Variants in USP38 observed in about 807,000 individuals in gnomAD.
USP38 encodes the protein ubiquitin carboxyl-terminal hydrolase 38.
A neutral mutation model predicts 94.3 loss-of-function variants in USP38; 49 were observed. The ratio of observed to expected loss-of-function variants is 0.52; its 90% confidence interval spans 0.41 to 0.66. USP38 has a LOEUF of 0.66. Among genes scored for constraint, USP38 ranks in the 30% least tolerant of loss-of-function variants. USP38 has a pLI of 0.00. For synonymous variants in USP38, 468 were observed against 463.6 expected (o/e 1.01, Z -0.12); for missense variants, 1,128 against 1,229.4 (o/e 0.92, Z 1.23).
At chr4:143,216,703 T>G (rs1042120571) in intron 9 of USP38, among the ~76,000 whole-genome samples, 2 of 152,110 alleles carry the variant, frequency 1.3e-5, no homozygotes, top group Non-Finnish European at 2.9e-5. Context: ...CTCAAACTCC[T>G]GGGCTCAAGC....
chr4:143,186,191 C>A (rs28565503), intron 1 of USP38, 59 bp downstream of exon 1: 2 of 1,482,958 alleles, frequency 1.3e-6, no homozygotes, highest in South Asian at 2.5e-5. Flanking sequence ...CTCTCTTGCA[C>A]ACACACATTC....
At chr4:143,209,725 A>G in intron 7 of USP38, 68 bp downstream of exon 7, 2 of 941,408 alleles carry the variant, frequency 2.1e-6, no homozygotes, top group South Asian at 1.6e-5. Flanking sequence ...ACTTTACCTT[A>G]TACCTAACCT....
chr4:143,188,722 C>G (rs912459101), intron 2 of USP38, among the ~76,000 whole-genome samples: 3 of 151,966 alleles, frequency 2.0e-5, no homozygotes, highest in African/African-American at 7.3e-5. Context: ...ACCATGAGTG[C>G]CAGGCAGTGT....
chr4:143,192,936 T>C (rs1731439737), intron 2 of USP38, among the ~76,000 whole-genome samples: 2 of 152,152 alleles, frequency 1.3e-5, no homozygotes, highest in Admixed American at 1.3e-4. Flanking sequence ...GACTGAGTAA[T>C]GAAGGATAAT....
intron 2 of USP38, among the ~76,000 whole-genome samples, chr4:143,190,730 A>G (rs1441192139): frequency 2.0e-5 from 3 of 152,102 alleles, no homozygotes; most frequent in Admixed American, 2.0e-4. Context: ...CCTTGAAGAA[A>G]TCAGGCTTTC....
intron 1 of USP38, among the ~76,000 whole-genome samples, chr4:143,187,610 A>G (rs954748304): frequency 6.6e-6 from 1 of 152,220 alleles, no homozygotes; most frequent in East Asian, 1.9e-4. Context: ...TATTCTGTCT[A>G]TAGTATGAGT....
rs968542712 is a variant in USP38 at position 143,211,438 on chromosome 4, G to A, written c.1498-880G>A. On this transcript the variant is annotated intron_variant, in intron 7 of 9. Transcript: ENST00000307017. ...CCCATTTTACAGATGAAGAAAACAG[G>A]CTTACATTACCTGTTCAGGGTCATG... Among the ~76,000 whole-genome samples, 5 of 152,026 alleles carry A rather than the reference G, an allele frequency of 3.3e-5. No homozygotes were observed. In the East Asian group the frequency reaches 7.7e-4, roughly 23 times the overall value.
chr4:143,220,297 A>C lies in USP38; in HGVS notation c.2970A>C (p.Glu990Asp). The C allele has an allele frequency of 6.2e-7, 1 of 1,606,592 alleles. No individual in the cohort carries two copies. The highest frequency in any genetic ancestry group is 8.5e-7 in the Non-Finnish European group (1 of 1,177,152). The change falls in exon 10 of 10, where the codon GAA becomes GAC. Residue 990 changes from glutamate (E) to aspartate (D), a missense_variant and splice_region_variant. Physicochemically the swap from Glu to Asp is conservative, Grantham distance 45. Transcript: ENST00000307017. Reference sequence around the variant, plus strand: ...ATAAAAGTTATTTTTAATTTTAGGAACAAGAGTTGAATGCTCGAGCCCGGG... The same window carrying C: ...ATAAAAGTTATTTTTAATTTTAGGACCAAGAGTTGAATGCTCGAGCCCGGG... ...ITKDNKLYLQEQELNARARAL... is the reference protein window; with the variant it reads ...ITKDNKLYLQDQELNARARAL...
rs371351099 is a variant in USP38 at position 143,185,243 on chromosome 4, G to A, written c.-208G>A. ...GGCCAGCCGCAGGTGTCGGTTCTTA[G>A]GCTCTCCAGGCTCGCTAGCTCCCGC... On this transcript the variant is annotated 5_prime_UTR_variant, in exon 1 of 10. It removes the in-frame stop codon of an upstream open reading frame in the 5' UTR. Transcript: ENST00000307017. 3.9e-5 allele frequency: 23 copies of A among 594,828 alleles called. No individual in the cohort carries two copies. Among genetic ancestry groups the A allele is most frequent in the African/African-American group, 2.5e-4 (13 of 53,050 alleles). The allele number at this position is 594,828 out of a possible 1,614,324, so 36.8% of individuals were successfully genotyped here.
chr4:143,191,253 C>T (rs536930663), intron 2 of USP38, among the ~76,000 whole-genome samples: 3 of 152,182 alleles, frequency 2.0e-5, no homozygotes, highest in South Asian at 2.1e-4. Flanking sequence ...GATACCGTAC[C>T]AGGACCAAAC....
intron 4 of USP38, among the ~76,000 whole-genome samples, chr4:143,201,512 C>T (rs1034978285): frequency 1.3e-5 from 2 of 152,150 alleles, no homozygotes; most frequent in African/African-American, 4.8e-5. Flanking sequence ...TCACCTATAA[C>T]TCCAAATAAC....
At chr4:143,210,547 A>G (rs1220350762) in intron 7 of USP38, among the ~76,000 whole-genome samples, 3 of 151,888 alleles carry the variant, frequency 2.0e-5, no homozygotes, top group Admixed American at 2.0e-4. Context: ...AGATCGTGCC[A>G]CTGCACTCCA....
At chr4:143,205,893 G>A (rs576051867) in intron 5 of USP38, 140 bp from the exon 6 acceptor site, 2 of 560,080 alleles carry the variant, frequency 3.6e-6, no homozygotes, top group Non-Finnish European at 5.8e-6. Flanking sequence ...GCCAAGTACT[G>A]CCAGTTACTT....
In USP38 at chr4:143,213,920, C is replaced by T. The variant is rs781416901; in HGVS notation, c.1944C>T (p.Ala648=). Residue 648 remains alanine (A), a synonymous_variant, in exon 9 of 10, where the codon GCC becomes GCT. Coordinates refer to ENST00000307017, the MANE Select transcript of USP38 (RefSeq NM_032557.6). ...TACAAGATGGTGGTCTAATGCAAGC[C>T]TCTGTACCCGGTCCTTCAGAAGAAC... ...PSIQDGGLMQ[A]SVPGPSEEPV... is the part of the protein sequence containing the mutation. 2.5e-6 allele frequency: 4 copies of T among 1,613,814 alleles called. No individual in the cohort carries two copies. The East Asian group carries it at 6.7e-5, about 27-fold the overall frequency.
Position 143,212,384 on chromosome 4 carries a change from C to T in USP38, c.1564C>T (p.Gln522Ter), listed in dbSNP as rs748748357. Reference protein sequence around the residue: ...SRPPWFTPRSQQDCSEYLRFL... With the variant: ...SRPPWFTPRS ...ACCTCCATGGTTTACTCCCAGATCA[C>T]AGCAAGACTGTTCTGAATACCTCAG... is the stretch of plus-strand genomic sequence containing the variant. Residue 522 changes from glutamine (Q) to a stop codon, truncating the protein, a stop_gained, in exon 8 of 10, where the codon CAG becomes TAG. Coordinates refer to ENST00000307017, the MANE Select transcript of USP38 (RefSeq NM_032557.6). LOFTEE classifies it high-confidence loss of function. 2 of 1,611,126 alleles carry T rather than the reference C, an allele frequency of 1.2e-6. No homozygotes were observed. Among genetic ancestry groups the T allele is most frequent in the South Asian group, 2.2e-5 (2 of 90,726 alleles).
intron 9 of USP38, among the ~76,000 whole-genome samples, chr4:143,218,997 A>G (rs1204747155): frequency 6.6e-6 from 1 of 152,118 alleles, no homozygotes; most frequent in Non-Finnish European, 1.5e-5. Flanking sequence ...TATAGATCAA[A>G]GGATAAATTA....
intron 2 of USP38, among the ~76,000 whole-genome samples, chr4:143,192,870 A>G (rs559681733): frequency 2.0e-5 from 3 of 152,320 alleles, no homozygotes; most frequent in African/African-American, 7.2e-5. Context: ...AAATAAGGTA[A>G]AGAATGGAAG....
At chr4:143,201,926 G>A (rs921643462) in intron 4 of USP38, among the ~76,000 whole-genome samples, 6 of 152,092 alleles carry the variant, frequency 3.9e-5, no homozygotes, top group Admixed American at 2.6e-4. Context: ...TTATTTCCAT[G>A]TCGTGATAAT....
rs1343623095 is a variant in USP38, at chr4:143,205,254, C to A, written c.1210-779C>A. On this transcript the variant is annotated intron_variant, in intron 5 of 9. Transcript: ENST00000307017. The stretch of plus-strand genomic sequence containing the variant: ...ACTTTTTCTTAGCTGTCAACAACAA[C>A]AAAAATGAGAAGATTGAAACTCCTT... 2.6e-5 allele frequency among the ~76,000 whole-genome samples: 4 copies of A among 152,096 alleles called. No homozygotes were observed. In the East Asian group the frequency reaches 7.7e-4, roughly 29 times the overall value.
Sources: allele counts gnomAD v4.1 joint callset (sites outside exome capture counted in the v4.1 genomes callset), GRCh38; gene constraint gnomAD v4.1.1; transcripts MANE v1.5; gene names NCBI Gene and HGNC (gene_info 2026-07-23, HGNC 2026-07-21).